ABLIM2: variants seen among roughly 807,000 people sequenced by gnomAD.
ABLIM2 encodes actin binding LIM protein family member 2, also known as actin-binding LIM protein 2.
A neutral mutation model predicts 97.7 loss-of-function variants in ABLIM2; 53 were observed. The ratio of observed to expected loss-of-function variants is 0.54; its 90% CI spans 0.44 to 0.68. ABLIM2 has a LOEUF of 0.68. ABLIM2 is among the 30% of genes least tolerant of loss of function. The pLI is 0.00. For synonymous variants in ABLIM2, 361 were observed against 345.8 expected (o/e 1.04, Z -0.49); for missense variants, 835 against 867.2 (o/e 0.96, Z 0.47).
chr4:8,121,130 C>T lies in ABLIM2; in HGVS notation c.11-14493G>A, dbSNP rs185798066. Among the ~76,000 whole-genome samples, 15 of 152,330 alleles carry T rather than the reference C, an allele frequency of 9.8e-5. No homozygotes were observed. In the East Asian group the frequency reaches 1.7e-3, roughly 18 times the overall value. ...CTGGCTGGCTCCCTGGTCACTTCCC[C>T]GAGCCTGTTTTCCATCTGCAAAGTG... On this transcript the variant is annotated intron_variant, in intron 1 of 20. Coordinates refer to ENST00000447017, the MANE Select transcript of ABLIM2 (RefSeq NM_001130083.2).
chr4:8,034,046 C>T (rs1479279726), intron 10 of ABLIM2, among the ~76,000 whole-genome samples: 3 of 152,298 alleles, frequency 2.0e-5, no homozygotes, highest in Admixed American at 6.5e-5. Context: ...TTGAATCGCA[C>T]GTCCCAGAGA....
rs754004842 is a variant in ABLIM2 at position 8,120,059 on chromosome 4, C to T, written c.11-13422G>A. Among the ~76,000 whole-genome samples the T allele has an allele frequency of 7.2e-5, 11 of 152,032 alleles. No homozygotes were observed. In the East Asian group the frequency reaches 1.2e-3, roughly 16 times the overall value. On this transcript the variant is annotated intron_variant, in intron 1 of 20. Transcript: ENST00000447017. The surrounding 1 kb of genome is among the most constrained non-coding windows in gnomAD (Gnocchi z 5.6). ...CCACAAATAGGCTCTGTTCACAGAGCGACAGGCACAGACGTCGGGCGGCAG... is the reference window on the plus strand; with the variant it reads ...CCACAAATAGGCTCTGTTCACAGAGTGACAGGCACAGACGTCGGGCGGCAG...
chr4:8,020,035 C>T (rs1183832574), intron 13 of ABLIM2, among the ~76,000 whole-genome samples, 167 bp downstream of exon 13: 1 of 138,114 alleles, frequency 7.2e-6, no homozygotes, highest in Non-Finnish European at 1.6e-5. Context: ...GTTGTGAAAA[C>T]CCGTCTGATG....
Position 8,071,585 on chromosome 4 carries a change from G to T in ABLIM2, c.675+6043C>A, listed in dbSNP as rs1164217690. On this transcript the variant is annotated intron_variant, in intron 6 of 20. Coordinates refer to ENST00000447017, the MANE Select transcript of ABLIM2 (RefSeq NM_001130083.2). This position sits in a 1 kb window ranked among gnomAD's most constrained non-coding sequence, Gnocchi z 6.2. The stretch of plus-strand genomic sequence containing the variant: ...GGAGCCTGGGATGCTCTGTGCTTGG[G>T]TCCTGCAGAGGGAAGCCAGGGGCAC... Among the ~76,000 whole-genome samples the T allele has an allele frequency of 1.3e-5, 2 of 152,116 alleles. No homozygotes were observed. Among genetic ancestry groups the T allele is most frequent in the African/African-American group, 2.4e-5 (1 of 41,420 alleles).
chr4:8,016,043 A>ATTTTTT lies in ABLIM2; in HGVS notation c.1423+3569_1423+3574dup, dbSNP rs4006048. Among the ~76,000 whole-genome samples the ATTTTTT allele has an allele frequency of 1.1e-3, 117 of 111,078 alleles. 3 individuals are homozygous for ATTTTTT. Among genetic ancestry groups the ATTTTTT allele is most frequent in the African/African-American group, 3.7e-3 (100 of 27,074 alleles). 72.9% of individuals were successfully genotyped at this position (111,078 alleles called of 152,430 possible). A position where few individuals can be genotyped will look rare whatever the true frequency, so the allele number is the denominator to read the frequency against. On this transcript the variant is annotated intron_variant, in intron 14 of 20. Transcript: ENST00000447017. ...GAGGTGATTTCTTTTTTGTTGTTGT[A>ATTTTTT]TTTTTTTTTTTTTTTTTTTGAGATG...
chr4:8,148,336 G>T lies in ABLIM2; in HGVS notation c.10+10344C>A, dbSNP rs1852161874. 6.6e-6 allele frequency among the ~76,000 whole-genome samples: 1 copy of T among 152,188 alleles called. No individual in the cohort carries two copies. Among genetic ancestry groups the T allele is most frequent in the Admixed American group, 6.5e-5 (1 of 15,286 alleles). On this transcript the variant is annotated intron_variant, in intron 1 of 20. Transcript: ENST00000447017. The surrounding 1 kb of genome is among the most constrained non-coding windows in gnomAD (Gnocchi z 6.7). ...TAAGCAGCACTGTGGGCCTGCGGAG[G>T]CCTCCCCACTGGATTCCAGAGGGGG... is the stretch of plus-strand genomic sequence containing the variant.
chr4:8,020,077 G>A, intron 13 of ABLIM2, 125 bp downstream of exon 13: 2 of 804,342 alleles, frequency 2.5e-6, no homozygotes, highest in Non-Finnish European at 4.0e-6. Context: ...CTGGGGAGCA[G>A]TGGAGGAGCC....
rs549724086 is a variant in ABLIM2 at position 8,032,834 on chromosome 4, G to A, written c.1048-3058C>T. Among the ~76,000 whole-genome samples the A allele has an allele frequency of 1.5e-3, 234 of 152,262 alleles. No individual in the cohort carries two copies. The highest frequency in any genetic ancestry group is 5.2e-3 in the African/African-American group (216 of 41,552). On this transcript the variant is annotated intron_variant, in intron 10 of 20. Coordinates refer to ENST00000447017, the MANE Select transcript of ABLIM2 (RefSeq NM_001130083.2). The surrounding 1 kb of genome is among the most constrained non-coding windows in gnomAD (Gnocchi z 4.3). ...AAGAACTCTACCCCGAGAGACACAA[G>A]TCAGGGTTCCAGAACCTTCTCTTTG...
intron 2 of ABLIM2, among the ~76,000 whole-genome samples, chr4:8,100,749 G>GAAAA (rs57318831): frequency 5.0e-5 from 5 of 100,202 alleles, no homozygotes; most frequent in East Asian, 3.0e-4. Flanking sequence ...TCCATCTCAG[G>GAAAA]AAAAAAAAAA....
intron 6 of ABLIM2, among the ~76,000 whole-genome samples, chr4:8,076,623 AC>A (rs1816169228): frequency 6.7e-6 from 1 of 149,106 alleles, no homozygotes; most frequent in Non-Finnish European, 1.5e-5. Context: ...CATTCTCGAG[AC>A]CCCCCTGGTC....
chr4:8,064,304 A>T (rs1314461328), intron 6 of ABLIM2, among the ~76,000 whole-genome samples: 1 of 152,192 alleles, frequency 6.6e-6, no homozygotes, highest in African/African-American at 2.4e-5. Context: ...GGCAGTATTG[A>T]GAGGGGGGCC....
In ABLIM2 at chr4:8,158,775, C is replaced by A. The variant is rs931097121; in HGVS notation, c.-86G>T. 1.7e-6 allele frequency: 2 copies of A among 1,201,752 alleles called. No individual in the cohort carries two copies. Among genetic ancestry groups the A allele is most frequent in the Admixed American group, 8.7e-5 (2 of 22,860 alleles). The allele number at this position is 1,201,752 out of a possible 1,614,324, so 74.4% of individuals were successfully genotyped here. A position where few individuals can be genotyped will look rare whatever the true frequency, so the allele number is the denominator to read the frequency against. ...CAGGTGCCGCGCCCGCGCTATCCTCCGCCCGCCCGCCGGCTCCGCGCCCGC... is the reference window on the plus strand; with the variant it reads ...CAGGTGCCGCGCCCGCGCTATCCTCAGCCCGCCCGCCGGCTCCGCGCCCGC... On this transcript the variant is annotated 5_prime_UTR_variant, in exon 1 of 21. Transcript: ENST00000447017.
chr4:8,036,339 C>G, intron 9 of ABLIM2, 44 bp from the exon 10 acceptor site: 1 of 1,603,158 alleles, frequency 6.2e-7, no homozygotes, highest in South Asian at 1.1e-5. Flanking sequence ...TCACCAGATG[C>G]ACCCCAGAGG....
At chr4:8,028,363 T>TAGCTCACC (rs1195225583) in intron 11 of ABLIM2, among the ~76,000 whole-genome samples, 2 of 152,212 alleles carry the variant, frequency 1.3e-5, no homozygotes. Context: ...TGACTGCCCT[T>TAGCTCACC]AGCTCACCTG....
chr4:8,155,980 AAAAT>A lies in ABLIM2; in HGVS notation c.10+2696_10+2699del, dbSNP rs1715182962. Among the ~76,000 whole-genome samples, 4 of 152,170 alleles carry A rather than the reference AAAAT, an allele frequency of 2.6e-5. No individual in the cohort carries two copies. Among genetic ancestry groups the A allele is most frequent in the Admixed American group, 1.3e-4 (2 of 15,286 alleles). The stretch of plus-strand genomic sequence containing the variant: ...ACTTCTGGCCTCTAGAATCAGCAAA[AAAAT>A]AAGTGTCTTCTCTTTAAGCCACCTG... On this transcript the variant is annotated intron_variant, in intron 1 of 20. Transcript: ENST00000447017. This position sits in a 1 kb window ranked among gnomAD's most constrained non-coding sequence, Gnocchi z 4.2.
rs146363086 is a variant in ABLIM2, at chr4:8,112,573, C to G, written c.11-5936G>C. On this transcript the variant is annotated intron_variant, in intron 1 of 20. Transcript: ENST00000447017. This position sits in a 1 kb window ranked among gnomAD's most constrained non-coding sequence, Gnocchi z 4.2. ...ATCAGAAAGAGGAAAAACGATGACT[C>G]TGAGGTCTACTCGAGGTTTCCCAGT... Among the ~76,000 whole-genome samples, 234 of 152,292 alleles carry G rather than the reference C, an allele frequency of 1.5e-3. 1 individual carries two copies. The highest frequency in any genetic ancestry group is 5.3e-3 in the African/African-American group (219 of 41,548).
Position 8,087,968 on chromosome 4 carries a change from C to A in ABLIM2, c.454+201G>T. Among the ~76,000 whole-genome samples the A allele has an allele frequency of 6.9e-6, 1 of 145,216 alleles. No individual in the cohort carries two copies. The highest frequency in any genetic ancestry group is 1.5e-5 in the Non-Finnish European group (1 of 66,158). ...TCCCTGGGCACTGCAGAGACCAAGC[C>A]CCCAACTCAGCACCCCCCCCACAAC... On this transcript the variant is annotated intron_variant, in intron 4 of 20. Coordinates refer to ENST00000447017, the MANE Select transcript of ABLIM2 (RefSeq NM_001130083.2). This position sits in a 1 kb window ranked among gnomAD's most constrained non-coding sequence, Gnocchi z 4.6.
At chr4:8,143,612 C>T (rs969560362) in intron 1 of ABLIM2, among the ~76,000 whole-genome samples, 2 of 152,200 alleles carry the variant, frequency 1.3e-5, no homozygotes, top group Non-Finnish European at 2.9e-5. Context: ...CAGGATTTCT[C>T]TCTCAGGCCA....
chr4:7,986,673 A>T lies in ABLIM2; in HGVS notation c.1681-1780T>A, dbSNP rs1250118734. ...CTTGCCTTCAGGGGTATTCACAAAG[A>T]ATTTCTTTTTTTTCTTTGAGACAGA... On this transcript the variant is annotated intron_variant, in intron 17 of 20. Coordinates refer to ENST00000447017, the MANE Select transcript of ABLIM2 (RefSeq NM_001130083.2). The surrounding 1 kb of genome is among the most constrained non-coding windows in gnomAD (Gnocchi z 4.3). Among the ~76,000 whole-genome samples, 1 of 151,822 alleles carries T rather than the reference A, an allele frequency of 6.6e-6. No individual in the cohort carries two copies. The highest frequency in any genetic ancestry group is 2.4e-5 in the African/African-American group (1 of 41,318).
Sources: gnomAD v4.1 joint callset for allele counts (sites outside exome capture counted in the v4.1 genomes callset) on GRCh38, gnomAD v4.1.1 for gene constraint, Gnocchi (gnomAD v3.1) non-coding constraint, MANE v1.5 for transcripts, NCBI Gene and HGNC (gene_info 2026-07-23, HGNC 2026-07-21) for gene names.